CSRP2: variants seen among roughly 807,000 people sequenced by gnomAD.
The protein encoded by CSRP2 is cysteine and glycine rich protein 2.
In CSRP2, 18 loss-of-function variants were observed where a neutral mutation model predicts 24.6. That is an observed-to-expected ratio of 0.73 (90% CI 0.51 to 1.09). The LOEUF is 1.09. Ranked by LOEUF, CSRP2 falls within the 50% of genes least tolerant of loss-of-function variation. The probability of loss-of-function intolerance (pLI) is 0.00; values close to 1 mark genes in which losing one functional copy is unlikely to be tolerated. For synonymous variants in CSRP2, 87 were observed against 84.3 expected (o/e 1.03, Z -0.18); for missense variants, 215 against 239.4 (o/e 0.90, Z 0.67).
At chr12:76,871,515 A>T (rs1034535455) in intron 1 of CSRP2, among the ~76,000 whole-genome samples, 1 of 152,220 alleles carries the variant, frequency 6.6e-6, no homozygotes, top group Non-Finnish European at 1.5e-5. Flanking sequence ...TCACGCCTGT[A>T]ATCCCAGCAC....
chr12:76,869,162 C>A (rs983278505), intron 1 of CSRP2, among the ~76,000 whole-genome samples: 1 of 152,080 alleles, frequency 6.6e-6, no homozygotes, highest in African/African-American at 2.4e-5. Flanking sequence ...GCCTCCAATG[C>A]AGCATCCTCT....
chr12:76,867,022 C>T (rs1662463892), intron 1 of CSRP2, among the ~76,000 whole-genome samples: 1 of 152,164 alleles, frequency 6.6e-6, no homozygotes, highest in Non-Finnish European at 1.5e-5. Flanking sequence ...GCTACAAGTT[C>T]CCTTCCTACC....
intron 2 of CSRP2, among the ~76,000 whole-genome samples, chr12:76,865,403 TGTTGTCTGCTTCTG>T (rs1953724834): frequency 6.6e-6 from 1 of 152,260 alleles, no homozygotes; most frequent in African/African-American, 2.4e-5. Context: ...TGCAACTTTC[TGTTGTCTGCTTCTG>T]GTTGTCTGCA....
rs752493184 is a variant in CSRP2 at position 76,859,559 on chromosome 12, T to C, written c.493A>G (p.Ile165Val). ...AAATGAATTTTACCTTTACAATAGA[T>C]TTCACCTTCTTTTTCAGTCAGAGTT... ...STTLTEKEGEIYCKGCYAKNF... is the reference protein window; with the variant it reads ...STTLTEKEGEVYCKGCYAKNF... Residue 165 changes from isoleucine (I) to valine (V), a missense_variant, in exon 5 of 6, where the codon ATC (isoleucine) becomes GTC (valine). Physicochemically the swap from Ile to Val is conservative, Grantham distance 29. Transcript: ENST00000311083. 1 of 1,612,346 alleles carries C rather than the reference T, an allele frequency of 6.2e-7. No individual in the cohort carries two copies. Among genetic ancestry groups the C allele is most frequent in the African/African-American group, 1.3e-5 (1 of 74,852 alleles).
rs757894632 is a variant in CSRP2, at chr12:76,860,373, T to C, written c.322A>G (p.Lys108Glu). ...HRPTTNPNTSKFAQKYGGAEK... is the reference protein window; with the variant it reads ...HRPTTNPNTSEFAQKYGGAEK... ...GCACCTCCATATTTCTGAGCAAATT[T>C]AGAAGTGTTTGGATTTGTTGTAGGC... Residue 108 changes from lysine to glutamate, a missense_variant, in exon 4 of 6, where the codon AAA becomes GAA. By Grantham distance (56) the Lys-to-Glu change is moderately conservative. Coordinates refer to ENST00000311083, the MANE Select transcript of CSRP2 (RefSeq NM_001321.3). The C allele has an allele frequency of 6.2e-7, 1 of 1,614,110 alleles. No individual in the cohort carries two copies. The highest frequency in any genetic ancestry group is 8.5e-7 in the Non-Finnish European group (1 of 1,179,980).
At position 76,859,320 on chromosome 12, in the gene CSRP2, A is replaced by C. The variant is rs149420064; in HGVS notation, c.505+227T>G. ...CATATACTTACGCTTTGCTCAAGAC[A>C]TGAAGGCAAAAGATGGCTATTTGTG... On this transcript the variant is annotated intron_variant, in intron 5 of 5. Coordinates refer to ENST00000311083, the MANE Select transcript of CSRP2 (RefSeq NM_001321.3). The C allele has an allele frequency of 1.1e-3, 655 of 596,454 alleles. 3 individuals carry two copies. The highest frequency in any genetic ancestry group is 0.01 in the African/African-American group (559 of 53,992). The allele number at this position is 596,454 out of a possible 1,614,324, so 36.9% of individuals were successfully genotyped here.
intron 1 of CSRP2, among the ~76,000 whole-genome samples, chr12:76,876,005 ACCCCTGGTAG>A (rs1163992445): frequency 3.3e-5 from 5 of 152,154 alleles, no homozygotes; most frequent in Non-Finnish European, 1.5e-5. Flanking sequence ...GCTAAACTAA[ACCCCTGGTAG>A]CAATACAGAT....
At chr12:76,877,830 A>C (rs889800431) in intron 1 of CSRP2, among the ~76,000 whole-genome samples, 1 of 152,114 alleles carries the variant, frequency 6.6e-6, no homozygotes, top group South Asian at 2.1e-4. Flanking sequence ...AGTACAGCCA[A>C]CTTTGTGGCT....
At chr12:76,866,047 A>G in intron 2 of CSRP2, 102 bp downstream of exon 2, 2 of 822,326 alleles carry the variant, frequency 2.4e-6, no homozygotes, top group Non-Finnish European at 3.9e-6. Flanking sequence ...CGTGCTTTCA[A>G]AATGATCTTT....
At chr12:76,863,484 A>T in intron 2 of CSRP2, 140 bp from the exon 3 acceptor site, 5 of 778,508 alleles carry the variant, frequency 6.4e-6, no homozygotes, top group Non-Finnish European at 8.0e-6. Flanking sequence ...GGCTTCCCAA[A>T]AGCCATGAGA....
intron 4 of CSRP2, 96 bp from the exon 5 acceptor site, chr12:76,859,736 A>G: frequency 1.2e-6 from 1 of 853,632 alleles, no homozygotes; most frequent in Admixed American, 2.6e-5. Context: ...GATCATCTCA[A>G]AGCAAGCTCC....
chr12:76,876,765 G>A (rs995936337), intron 1 of CSRP2, among the ~76,000 whole-genome samples: 19 of 152,200 alleles, frequency 1.2e-4, no homozygotes, highest in Admixed American at 3.9e-4. Flanking sequence ...TCTAGGAAAC[G>A]CTCTTCAGGT....
intron 1 of CSRP2, among the ~76,000 whole-genome samples, chr12:76,870,975 C>CAAAAAAA (rs398020213): frequency 1.7e-5 from 1 of 57,178 alleles, no homozygotes; most frequent in Non-Finnish European, 2.9e-5. Flanking sequence ...GACCCTGTCT[C>CAAAAAAA]AAAAAAAAAA....
intron 1 of CSRP2, among the ~76,000 whole-genome samples, chr12:76,876,060 T>C (rs1325373876): frequency 6.6e-6 from 1 of 152,256 alleles, no homozygotes; most frequent in Non-Finnish European, 1.5e-5. Flanking sequence ...GCATAGGTTC[T>C]TCTTAAGCTG....
intron 1 of CSRP2, among the ~76,000 whole-genome samples, chr12:76,871,447 C>T (rs1459485135): frequency 2.0e-5 from 3 of 152,244 alleles, no homozygotes; most frequent in Non-Finnish European, 4.4e-5. Flanking sequence ...AGTAAAGCAA[C>T]AGTTCCACAT....
chr12:76,875,189 G>A (rs1210408146), intron 1 of CSRP2, among the ~76,000 whole-genome samples: 1 of 152,150 alleles, frequency 6.6e-6, no homozygotes, highest in African/African-American at 2.4e-5. Context: ...CGGTCAGTAA[G>A]TGGTCTCTGT....
In CSRP2 at chr12:76,863,362, A is replaced by C; in HGVS notation, c.113-18T>G. 6.2e-7 allele frequency: 1 copy of C among 1,612,878 alleles called. No homozygotes were observed. The highest frequency in any genetic ancestry group is 1.3e-5 in the African/African-American group (1 of 75,066). On this transcript the variant is annotated intron_variant, in intron 2 of 5. Coordinates refer to ENST00000311083, the MANE Select transcript of CSRP2 (RefSeq NM_001321.3). ...GCAAACCACTGCAGGGGAAAAAGTT[A>C]GACTTTACACATGTTCCAAAGATGC...
Position 76,859,339 on chromosome 12 carries a change from A to T in CSRP2, c.505+208T>A, listed in dbSNP as rs553530869. 4 of 596,854 alleles carry T rather than the reference A, an allele frequency of 6.7e-6. No homozygotes were observed. The African/African-American group carries it at 7.4e-5, about 11-fold the overall frequency. 37.0% of individuals were successfully genotyped at this position (596,854 alleles called of 1,614,324 possible). ...CAAGACATGAAGGCAAAAGATGGCT[A>T]TTTGTGGTGTTTTTATCTGGTGGGG... On this transcript the variant is annotated intron_variant, in intron 5 of 5. Transcript: ENST00000311083.
At chr12:76,878,699 T>C (rs1333215017) in intron 1 of CSRP2, among the ~76,000 whole-genome samples, 2 of 152,210 alleles carry the variant, frequency 1.3e-5, no homozygotes, top group Non-Finnish European at 2.9e-5. Flanking sequence ...TCCCAGGGCA[T>C]GGCCTGGACG....
Sources: allele counts gnomAD v4.1 joint callset (sites outside exome capture counted in the v4.1 genomes callset), GRCh38; gene constraint gnomAD v4.1.1; transcripts MANE v1.5; gene names NCBI Gene and HGNC (gene_info 2026-07-23, HGNC 2026-07-21).